Variants in EBF1 observed in about 807,000 individuals in gnomAD.
The protein encoded by EBF1 is transcription factor COE1.
Under a neutral mutation model 68.4 loss-of-function variants are expected in EBF1, and 10 were observed. The observed-to-expected ratio is 0.15, with a 90% confidence interval of 0.09 to 0.25. EBF1 has a LOEUF of 0.25. EBF1 is among the 10% of genes least tolerant of loss of function. The pLI is 1.00. For missense variants in EBF1, 509 were observed against 794.4 expected, an observed-to-expected ratio of 0.64 and a Z score of 4.32; for synonymous variants, 298 against 299.8, an observed-to-expected ratio of 0.99 and a Z score of 0.06.
intron 6 of EBF1, among the ~76,000 whole-genome samples, chr5:159,065,411 A>G (rs948180385): frequency 5.3e-5 from 8 of 152,218 alleles, no homozygotes; most frequent in African/African-American, 1.9e-4. Context: ...AAAAAGCAGC[A>G]GCTGATGTCA....
intron 9 of EBF1, among the ~76,000 whole-genome samples, chr5:158,778,402 TG>T (rs1561900522): frequency 6.6e-6 from 1 of 152,192 alleles, no homozygotes; most frequent in Non-Finnish European, 1.5e-5. Context: ...TCTCTTTCTA[TG>T]GGATTCTGCA....
At chr5:158,850,477 A>C (rs186919986) in intron 6 of EBF1, among the ~76,000 whole-genome samples, 2 of 152,204 alleles carry the variant, frequency 1.3e-5, no homozygotes, top group African/African-American at 4.8e-5. Flanking sequence ...CCTGGCAGAG[A>C]GAAAGTAGGA....
chr5:159,024,032 G>A (rs1157267348), intron 6 of EBF1, among the ~76,000 whole-genome samples: 2 of 152,118 alleles, frequency 1.3e-5, no homozygotes, highest in African/African-American at 4.8e-5. Flanking sequence ...GAAATTGTCA[G>A]TGAAAATAGT....
chr5:158,803,393 G>A (rs1396903685), intron 8 of EBF1, among the ~76,000 whole-genome samples: 3 of 142,014 alleles, frequency 2.1e-5, no homozygotes, highest in Non-Finnish European at 4.5e-5. Flanking sequence ...TGACCTTCCT[G>A]CTCACAGCTC....
intron 6 of EBF1, among the ~76,000 whole-genome samples, chr5:159,004,764 G>A (rs892580437): frequency 5.3e-5 from 8 of 152,160 alleles, no homozygotes; most frequent in African/African-American, 1.9e-4. Flanking sequence ...TAAGATCCTG[G>A]ATTCTTCATG....
chr5:159,025,531 G>A, intron 6 of EBF1, among the ~76,000 whole-genome samples: 1 of 152,098 alleles, frequency 6.6e-6, no homozygotes, highest in East Asian at 1.9e-4. Context: ...CTTTATTGTT[G>A]ACCAGCTTTT....
At chr5:159,034,792 C>A (rs1023853140) in intron 6 of EBF1, among the ~76,000 whole-genome samples, 1 of 151,998 alleles carries the variant, frequency 6.6e-6, no homozygotes, top group Non-Finnish European at 1.5e-5. Context: ...AGATTTCAAT[C>A]CACCCTGAGA....
intron 12 of EBF1, 127 bp from the exon 13 acceptor site, chr5:158,713,274 A>T (rs1175546120): frequency 2.5e-6 from 2 of 789,320 alleles, no homozygotes; most frequent in Non-Finnish European, 3.5e-6. Flanking sequence ...TGTGACCCTC[A>T]TGACAAACCT....
intron 5 of EBF1, among the ~76,000 whole-genome samples, chr5:159,076,194 T>G (rs553683179): frequency 3.0e-4 from 45 of 152,312 alleles, no homozygotes; most frequent in African/African-American, 1.0e-3. Flanking sequence ...ACTTACCTAA[T>G]GAGTGGCATA....
chr5:159,076,356 G>T (rs1382495468), intron 5 of EBF1, among the ~76,000 whole-genome samples: 1 of 152,120 alleles, frequency 6.6e-6, no homozygotes, highest in Non-Finnish European at 1.5e-5. Flanking sequence ...GAAGGAAGGT[G>T]CACCTCATCC....
chr5:158,802,566 T>C (rs972758615), intron 8 of EBF1, among the ~76,000 whole-genome samples: 2 of 152,124 alleles, frequency 1.3e-5, no homozygotes, highest in Admixed American at 6.6e-5. Flanking sequence ...GAGGTGAAAA[T>C]ACTGGCACTA....
intron 8 of EBF1, among the ~76,000 whole-genome samples, chr5:158,808,949 T>C (rs937390764): frequency 1.3e-5 from 2 of 152,174 alleles, no homozygotes; most frequent in Non-Finnish European, 2.9e-5. Context: ...TATCCCAGTC[T>C]ACAAAACACT....
rs186641853 is a variant in EBF1, at chr5:159,060,643, A to G, written c.554+12753T>C. ...TAGTGAAAGTACTCTCCTCATTTCAAATTGAATTTAGTGCTGTTAGAGATT... is the reference window on the plus strand; with the variant it reads ...TAGTGAAAGTACTCTCCTCATTTCAGATTGAATTTAGTGCTGTTAGAGATT... On this transcript the variant is annotated intron_variant, in intron 6 of 15. Coordinates refer to ENST00000313708, the MANE Select transcript of EBF1 (RefSeq NM_024007.5). Among the ~76,000 whole-genome samples, 8 of 152,264 alleles carry G rather than the reference A, an allele frequency of 5.3e-5. No individual in the cohort carries two copies. In the East Asian group the frequency reaches 1.5e-3, roughly 29 times the overall value.
intron 6 of EBF1, among the ~76,000 whole-genome samples, chr5:158,919,345 TC>T (rs1011180661): frequency 6.6e-6 from 1 of 150,942 alleles, no homozygotes; most frequent in Non-Finnish European, 1.5e-5. Context: ...GAGGAGAAAA[TC>T]CCCGGAGAGG....
chr5:159,067,421 T>G (rs868453845), intron 6 of EBF1, among the ~76,000 whole-genome samples: 1 of 152,220 alleles, frequency 6.6e-6, no homozygotes, highest in Non-Finnish European at 1.5e-5. Flanking sequence ...TTCTTGGAAG[T>G]TGCTGCCATT....
intron 6 of EBF1, among the ~76,000 whole-genome samples, chr5:158,924,891 C>T (rs1809316313): frequency 1.3e-5 from 2 of 148,920 alleles, no homozygotes; most frequent in South Asian, 4.3e-4. Context: ...AACTGAATCA[C>T]GTGCCCATCC....
intron 6 of EBF1, among the ~76,000 whole-genome samples, chr5:158,941,043 C>G (rs1444497231): frequency 6.6e-6 from 1 of 152,106 alleles, no homozygotes. Context: ...TAGGGCAAAG[C>G]TCTTAGCCTC....
At chr5:159,028,115 C>T (rs1006328374) in intron 6 of EBF1, among the ~76,000 whole-genome samples, 1 of 152,060 alleles carries the variant, frequency 6.6e-6, no homozygotes, top group Non-Finnish European at 1.5e-5. Context: ...TTGAACAATC[C>T]CAGCAGGCTC....
intron 9 of EBF1, among the ~76,000 whole-genome samples, chr5:158,784,293 T>C (rs2127705355): frequency 6.6e-6 from 1 of 152,346 alleles, no homozygotes; most frequent in East Asian, 1.9e-4. Context: ...TGACCATCAT[T>C]ATACAACCAT....
Sources: allele counts gnomAD v4.1 joint callset (sites outside exome capture counted in the v4.1 genomes callset), GRCh38; gene constraint gnomAD v4.1.1; transcripts MANE v1.5; gene names NCBI Gene and HGNC (gene_info 2026-07-23, HGNC 2026-07-21).